The following STAG1 variants were observed in gnomAD, a reference collection of about 807,000 sequenced individuals.
STAG1 encodes the protein STAG1 cohesin complex component.
A neutral mutation model predicts 170.9 loss-of-function variants in STAG1; 26 were observed. That is an observed-to-expected ratio of 0.15 (90% CI 0.11 to 0.21). STAG1 has a LOEUF of 0.21. Ranked by LOEUF, STAG1 falls within the 10% of genes least tolerant of loss-of-function variation. STAG1 has a pLI of 1.00. For missense variants in STAG1, 964 were observed against 1,509.5 expected (o/e 0.64, Z 5.99); for synonymous variants, 514 against 497.7 (o/e 1.03, Z -0.44).
chr3:136,514,890 C>T (rs910197988), intron 7 of STAG1, among the ~76,000 whole-genome samples: 9 of 151,812 alleles, frequency 5.9e-5, no homozygotes, highest in Non-Finnish European at 1.0e-4. Context: ...GGGTGGGGAA[C>T]GTCACACACC....
intron 1 of STAG1, among the ~76,000 whole-genome samples, chr3:136,674,269 T>C (rs1411043679): frequency 6.6e-6 from 1 of 151,426 alleles, no homozygotes; most frequent in Non-Finnish European, 1.5e-5. Context: ...AGTGAATGAA[T>C]AAAACAGACT....
At chr3:136,518,061 T>C (rs928546063) in intron 7 of STAG1, 1 of 234,958 alleles carries the variant, frequency 4.3e-6, no homozygotes, top group African/African-American at 2.2e-5. Flanking sequence ...AAAAAAACTT[T>C]TAATAAAAAT....
In STAG1 at chr3:136,366,952, G is replaced by C; in HGVS notation, c.2676C>G (p.His892Gln). The C allele has an allele frequency of 6.3e-7, 1 of 1,597,538 alleles. No homozygotes were observed. Among genetic ancestry groups the C allele is most frequent in the Non-Finnish European group, 8.5e-7 (1 of 1,169,652 alleles). ...GAATATTTAACTATACCTTCATGTA[G>C]TGTTTGAAGATGTCTGCAGCTGCAT... is the stretch of plus-strand genomic sequence containing the variant. ...DMHAAADIFKHYMKYYNDYGD... is the reference protein window; with the variant it reads ...DMHAAADIFKQYMKYYNDYGD... The change falls in exon 25 of 34, where the codon CAC becomes CAG. Residue 892 changes from histidine to glutamine, a missense_variant. Coordinates refer to ENST00000383202, the MANE Select transcript of STAG1 (RefSeq NM_005862.3).
intron 4 of STAG1, among the ~76,000 whole-genome samples, chr3:136,602,196 T>C (rs1002317753): frequency 1.3e-5 from 2 of 151,804 alleles, no homozygotes; most frequent in South Asian, 2.1e-4. Context: ...CTGGCCAACA[T>C]GGTAAAGCCC....
At chr3:136,659,146 G>T (rs572277549) in intron 1 of STAG1, among the ~76,000 whole-genome samples, 1 of 152,156 alleles carries the variant, frequency 6.6e-6, no homozygotes, top group Non-Finnish European at 1.5e-5. Flanking sequence ...CACAGAACGC[G>T]AGTGATAGCT....
At chr3:136,366,863 T>C in intron 25 of STAG1, 80 bp downstream of exon 25, 2 of 1,220,738 alleles carry the variant, frequency 1.6e-6, no homozygotes, top group Non-Finnish European at 2.3e-6. Context: ...CTGTCAATTT[T>C]AGCTTCTGTC....
intron 19 of STAG1, 76 bp from the exon 20 acceptor site, chr3:136,421,239 A>T: frequency 1.2e-6 from 1 of 839,548 alleles, no homozygotes; most frequent in Middle Eastern, 3.5e-4. Context: ...GCCTAAATAA[A>T]AATTCTTCTA....
intron 1 of STAG1, among the ~76,000 whole-genome samples, chr3:136,663,986 G>T (rs1364665488): frequency 2.0e-5 from 3 of 152,114 alleles, no homozygotes; most frequent in Non-Finnish European, 4.4e-5. Flanking sequence ...TTAGGGGTGG[G>T]ATATCATCAA....
chr3:136,396,221 T>G (rs1188950057), intron 22 of STAG1, among the ~76,000 whole-genome samples: 49 of 144,890 alleles, frequency 3.4e-4, no homozygotes, highest in African/African-American at 1.1e-3. Flanking sequence ...TTTTTTTTTT[T>G]TTTTTTTTTT....
intron 2 of STAG1, among the ~76,000 whole-genome samples, chr3:136,627,731 A>T (rs2107835576): frequency 6.6e-6 from 1 of 152,324 alleles, no homozygotes; most frequent in South Asian, 2.1e-4. Context: ...GCAAATGGCT[A>T]ATGTTCACAT....
At chr3:136,357,247 C>G (rs1936695632) in intron 28 of STAG1, among the ~76,000 whole-genome samples, 1 of 152,092 alleles carries the variant, frequency 6.6e-6, no homozygotes, top group African/African-American at 2.4e-5. Flanking sequence ...CATGCCCAGC[C>G]TAGAAGTTTT....
chr3:136,392,886 A>G (rs2087050387), intron 22 of STAG1, among the ~76,000 whole-genome samples: 1 of 152,062 alleles, frequency 6.6e-6, no homozygotes, highest in Admixed American at 6.6e-5. Flanking sequence ...TTCTTTTATA[A>G]TAAGCATATG....
At chr3:136,737,397 G>A (rs907253868) in intron 1 of STAG1, among the ~76,000 whole-genome samples, 1 of 151,510 alleles carries the variant, frequency 6.6e-6, no homozygotes, top group Non-Finnish European at 1.5e-5. Context: ...CCATCATGCC[G>A]GGCCAATTTT....
intron 1 of STAG1, among the ~76,000 whole-genome samples, chr3:136,670,304 G>GA (rs1941936557): frequency 6.6e-6 from 1 of 152,168 alleles, no homozygotes; most frequent in South Asian, 2.1e-4. Context: ...CAATGCCATG[G>GA]AAAAACAGTG....
intron 4 of STAG1, among the ~76,000 whole-genome samples, chr3:136,569,674 TTAA>T (rs1454501615): frequency 1.3e-5 from 2 of 151,882 alleles, no homozygotes; most frequent in Non-Finnish European, 2.9e-5. Flanking sequence ...ATTCAAGAGA[TTAA>T]TAATAGGAAA....
chr3:136,687,566 T>A (rs1053105823), intron 1 of STAG1, among the ~76,000 whole-genome samples: 2 of 152,058 alleles, frequency 1.3e-5, no homozygotes, highest in African/African-American at 4.8e-5. Flanking sequence ...CTGGGAACAT[T>A]AGTAAAAATT....
At chr3:136,537,733 T>C (rs1935706937) in intron 6 of STAG1, among the ~76,000 whole-genome samples, 2 of 152,080 alleles carry the variant, frequency 1.3e-5, no homozygotes, top group African/African-American at 4.8e-5. Flanking sequence ...TGACCTCAAA[T>C]GATCCACCCA....
chr3:136,407,729 T>G (rs1259068814), intron 21 of STAG1, among the ~76,000 whole-genome samples: 1 of 151,998 alleles, frequency 6.6e-6, no homozygotes, highest in Non-Finnish European at 1.5e-5. Flanking sequence ...CCCAAAGTGT[T>G]GGGATTACAA....
At chr3:136,673,790 T>G (rs547934938) in intron 1 of STAG1, among the ~76,000 whole-genome samples, 1 of 152,054 alleles carries the variant, frequency 6.6e-6, no homozygotes, top group African/African-American at 2.4e-5. Flanking sequence ...ATACAATAAC[T>G]ATAATTGATT....
Sources: gnomAD v4.1 joint callset for allele counts (sites outside exome capture counted in the v4.1 genomes callset) on GRCh38, gnomAD v4.1.1 for gene constraint, MANE v1.5 for transcripts, NCBI Gene and HGNC (gene_info 2026-07-23, HGNC 2026-07-21) for gene names.